CADM1: variants seen among roughly 807,000 people sequenced by gnomAD.
CADM1 encodes the protein TSLC-1.
In CADM1, 15 loss-of-function variants were observed where a neutral mutation model predicts 53.1. The ratio of observed to expected loss-of-function variants is 0.28; its 90% CI spans 0.19 to 0.44. The LOEUF (loss-of-function observed/expected upper bound fraction) is 0.44. Among genes scored for constraint, CADM1 ranks in the 20% least tolerant of loss-of-function variants. The pLI, the probability that CADM1 is intolerant of heterozygous loss-of-function variation, is 1.00. For missense variants in CADM1, 434 were observed against 611.3 expected (o/e 0.71, Z 3.06); for synonymous variants, 281 against 243.0 (o/e 1.16, Z -1.45).
At position 115,185,619 on chromosome 11, in the gene CADM1, G is replaced by GC. The variant is rs1939505802; in HGVS notation, c.1165+5268dup. Among the ~76,000 whole-genome samples the GC allele has an allele frequency of 1.3e-5, 2 of 152,182 alleles. 1 individual carries two copies. Among genetic ancestry groups the GC allele is most frequent in the Admixed American group, 1.3e-4 (2 of 15,274 alleles). On this transcript the variant is annotated intron_variant, in intron 10 of 11. Coordinates refer to ENST00000331581, the MANE Select transcript of CADM1 (RefSeq NM_001301043.2). ...TGGAAATGACTTGATCCAACAGGAT[G>GC]CAAGATTTCTCCCAAGGCATTTAAC...
rs1412632953 is a variant in CADM1, at chr11:115,169,929, C to A, written c.*6545G>T. The A allele has an allele frequency of 4.4e-6, 1 of 226,426 alleles. No homozygotes were observed. The highest frequency in any genetic ancestry group is 9.0e-6 in the Non-Finnish European group (1 of 111,552). The allele number at this position is 226,426 out of a possible 1,614,324, so 14.0% of individuals were successfully genotyped here. On this transcript the variant is annotated 3_prime_UTR_variant, in exon 12 of 12. Coordinates refer to ENST00000331581, the MANE Select transcript of CADM1 (RefSeq NM_001301043.2). ...ATATTTGCTTGCTATTAAAGGCCTGCATTAGGCTCTTCCAACACCAGCTCT... is the reference window on the plus strand; with the variant it reads ...ATATTTGCTTGCTATTAAAGGCCTGAATTAGGCTCTTCCAACACCAGCTCT...
At chr11:115,211,572 C>T (rs1208443608) in intron 7 of CADM1, among the ~76,000 whole-genome samples, 2 of 150,520 alleles carry the variant, frequency 1.3e-5, no homozygotes, top group African/African-American at 4.9e-5. Context: ...CTCCGCTTCC[C>T]GGGTTCAAGC....
At chr11:115,484,619 C>T (rs541344913) in intron 1 of CADM1, among the ~76,000 whole-genome samples, 11 of 152,208 alleles carry the variant, frequency 7.2e-5, no homozygotes, top group Middle Eastern at 3.4e-3. Flanking sequence ...CACAATTTGG[C>T]GTACTGGTAT....
chr11:115,336,091 A>G (rs1299029046), intron 1 of CADM1, among the ~76,000 whole-genome samples: 1 of 152,182 alleles, frequency 6.6e-6, no homozygotes, highest in Admixed American at 6.6e-5. Context: ...TATTTTTAAA[A>G]ACATGTAACT....
intron 1 of CADM1, among the ~76,000 whole-genome samples, chr11:115,339,323 T>C (rs1193745503): frequency 1.3e-5 from 2 of 152,040 alleles, no homozygotes; most frequent in Admixed American, 6.6e-5. Flanking sequence ...TAAAGACACA[T>C]GCACACGTAT....
intron 1 of CADM1, among the ~76,000 whole-genome samples, chr11:115,367,067 AG>A (rs1217817785): frequency 1.3e-5 from 2 of 152,246 alleles, no homozygotes; most frequent in Admixed American, 1.3e-4. Context: ...ACTTATGTAA[AG>A]CCAGGCACAA....
In CADM1 at chr11:115,174,224, A is replaced by G. The variant is rs1938909940; in HGVS notation, c.*2250T>C. 1 of 985,292 alleles carries G rather than the reference A, an allele frequency of 1.0e-6. No individual in the cohort carries two copies. The highest frequency in any genetic ancestry group is 1.2e-6 in the Non-Finnish European group (1 of 829,870). 61.0% of individuals were successfully genotyped at this position (985,292 alleles called of 1,614,324 possible). The stretch of plus-strand genomic sequence containing the variant: ...ACACTTTTCAAAACAGAAAGATGGG[A>G]GGTCCCAAAAATGAGATGCCAATTC... On this transcript the variant is annotated 3_prime_UTR_variant, in exon 12 of 12. Transcript: ENST00000331581.
At chr11:115,242,149 G>A (rs1455144513) in intron 1 of CADM1, among the ~76,000 whole-genome samples, 1 of 151,902 alleles carries the variant, frequency 6.6e-6, no homozygotes, top group Non-Finnish European at 1.5e-5. Context: ...AATTTCTGAT[G>A]CTTGAGGAGC....
chr11:115,266,281 T>A (rs753113541), intron 1 of CADM1, among the ~76,000 whole-genome samples: 3 of 152,236 alleles, frequency 2.0e-5, no homozygotes, highest in Non-Finnish European at 2.9e-5. Flanking sequence ...CAGATGTTAC[T>A]CATAGCAGTG....
At chr11:115,424,638 A>G (rs1472015388) in intron 1 of CADM1, among the ~76,000 whole-genome samples, 2 of 152,004 alleles carry the variant, frequency 1.3e-5, no homozygotes, top group African/African-American at 2.4e-5. Flanking sequence ...ACAATTCTCC[A>G]GCCTCAGCCT....
chr11:115,187,793 C>G (rs1939646780), intron 10 of CADM1, among the ~76,000 whole-genome samples: 3 of 152,174 alleles, frequency 2.0e-5, no homozygotes, highest in Admixed American at 1.3e-4. Context: ...ATTTAGGGGA[C>G]TGCAGTTGGT....
At chr11:115,432,980 C>T (rs1035424689) in intron 1 of CADM1, among the ~76,000 whole-genome samples, 1 of 152,168 alleles carries the variant, frequency 6.6e-6, no homozygotes, top group Non-Finnish European at 1.5e-5. Context: ...AAGGAATGCT[C>T]GTATTTAAAT....
At chr11:115,468,861 A>G (rs1192068651) in intron 1 of CADM1, among the ~76,000 whole-genome samples, 2 of 152,244 alleles carry the variant, frequency 1.3e-5, no homozygotes, top group Admixed American at 1.3e-4. Context: ...GGGAGGCCTC[A>G]CAATCATGGC....
intron 5 of CADM1, among the ~76,000 whole-genome samples, chr11:115,219,478 G>A (rs1337976198): frequency 3.9e-5 from 6 of 152,136 alleles, no homozygotes; most frequent in Non-Finnish European, 5.9e-5. Context: ...TTTCTGAGAA[G>A]CTAAGTCTCT....
Position 115,170,363 on chromosome 11 carries a change from T to C in CADM1, c.*6111A>G, listed in dbSNP as rs1394811325. 6.6e-6 allele frequency: 1 copy of C among 152,208 alleles called. No homozygotes were observed. Among genetic ancestry groups the C allele is most frequent in the South Asian group, 2.1e-4 (1 of 4,830 alleles). The allele number at this position is 152,208 out of a possible 1,614,324, so 9.4% of individuals were successfully genotyped here. On this transcript the variant is annotated 3_prime_UTR_variant, in exon 12 of 12. Transcript: ENST00000331581. ...TCAGGTTCCTTGTTGGAATACATTC[T>C]GCATTTCAATAGGCAAGGCTCGAGT... is the stretch of plus-strand genomic sequence containing the variant.
intron 1 of CADM1, among the ~76,000 whole-genome samples, chr11:115,379,348 G>C (rs1000968259): frequency 1.3e-5 from 2 of 152,158 alleles, no homozygotes; most frequent in African/African-American, 4.8e-5. Flanking sequence ...CCACAATACT[G>C]ACAATAAACT....
rs1939029565 is a variant in CADM1, at chr11:115,176,372, T to C, written c.*102A>G. 6.3e-7 allele frequency: 1 copy of C among 1,589,676 alleles called. No individual in the cohort carries two copies. Among genetic ancestry groups the C allele is most frequent in the African/African-American group, 1.3e-5 (1 of 74,172 alleles). ...TCCCAGTCTCACACCTTTCCACCCA[T>C]TCATAAAAAAACACACGAATTTCTC... On this transcript the variant is annotated 3_prime_UTR_variant, in exon 12 of 12. Transcript: ENST00000331581.
At position 115,176,399 on chromosome 11, in the gene CADM1, C is replaced by A; in HGVS notation, c.*75G>T. 4 of 1,605,280 alleles carry A rather than the reference C, an allele frequency of 2.5e-6. No individual in the cohort carries two copies. Among genetic ancestry groups the A allele is most frequent in the Non-Finnish European group, 3.4e-6 (4 of 1,174,608 alleles). ...CATAAAAAAACACACGAATTTCTCG[C>A]AAGTTCCAATATCACTGTCTCTTTA... On this transcript the variant is annotated 3_prime_UTR_variant, in exon 12 of 12. Coordinates refer to ENST00000331581, the MANE Select transcript of CADM1 (RefSeq NM_001301043.2).
At chr11:115,268,292 C>T (rs189529016) in intron 1 of CADM1, among the ~76,000 whole-genome samples, 2 of 152,240 alleles carry the variant, frequency 1.3e-5, no homozygotes, top group African/African-American at 2.4e-5. Flanking sequence ...TTCAGTTTGG[C>T]CACTGTACTA....
Sources: allele counts gnomAD v4.1 joint callset (sites outside exome capture counted in the v4.1 genomes callset), GRCh38; gene constraint gnomAD v4.1.1; transcripts MANE v1.5; gene names NCBI Gene and HGNC (gene_info 2026-07-23, HGNC 2026-07-21).